CHODL: variants seen among roughly 807,000 people sequenced by gnomAD.
The protein encoded by CHODL is chondrolectin, also known as transmembrane protein MT75.
CHODL carries 29 observed loss-of-function variants against 34.5 expected under a neutral mutation model. The observed-to-expected ratio is 0.84, with a 90% confidence interval of 0.63 to 1.15. The LOEUF (loss-of-function observed/expected upper bound fraction) is 1.15. Among genes scored for constraint, CHODL ranks in the 50% most tolerant of loss-of-function variants. The probability of loss-of-function intolerance (pLI) is 0.00; values close to 1 mark genes in which losing one functional copy is unlikely to be tolerated. For synonymous variants in CHODL, 125 were observed against 116.1 expected (o/e 1.08, Z -0.49); for missense variants, 332 against 332.5 (o/e 1.00, Z 0.01).
At chr21:18,198,521 G>A (rs1205498653) in intron 2 of CHODL, among the ~76,000 whole-genome samples, 1 of 151,856 alleles carries the variant, frequency 6.6e-6, no homozygotes, top group East Asian at 1.9e-4. Flanking sequence ...CATATGATTC[G>A]ACATTGTTAT....
At chr21:18,107,943 A>C (rs1366501852) in intron 2 of CHODL, among the ~76,000 whole-genome samples, 2 of 152,228 alleles carry the variant, frequency 1.3e-5, no homozygotes, top group Non-Finnish European at 2.9e-5. Flanking sequence ...TGACCTTTGC[A>C]TAGAAAGATA....
chr21:18,001,695 A>G (rs1264756624), intron 1 of CHODL, among the ~76,000 whole-genome samples: 2 of 151,466 alleles, frequency 1.3e-5, no homozygotes, highest in African/African-American at 4.9e-5. Context: ...ACATTGTTAC[A>G]TGTTGCTTCT....
intron 4 of CHODL, among the ~76,000 whole-genome samples, chr21:18,262,132 G>A (rs2074389737): frequency 6.6e-6 from 1 of 152,116 alleles, no homozygotes; most frequent in South Asian, 2.1e-4. Flanking sequence ...CTGAATTGTA[G>A]ATTTAATAAT....
At chr21:18,154,711 C>T (rs1200258333) in intron 2 of CHODL, among the ~76,000 whole-genome samples, 1 of 152,116 alleles carries the variant, frequency 6.6e-6, no homozygotes, top group African/African-American at 2.4e-5. Context: ...GGGGAAGCAG[C>T]ATCTTTAGAA....
chr21:18,188,849 G>A (rs909958671), intron 2 of CHODL, among the ~76,000 whole-genome samples: 6 of 152,196 alleles, frequency 3.9e-5, no homozygotes, highest in Admixed American at 1.3e-4. Flanking sequence ...AACGATGTGC[G>A]TGTTCAGAGA....
chr21:18,246,025 C>G, intron 1 of CHODL: 3 of 1,186,508 alleles, frequency 2.5e-6, no homozygotes, highest in South Asian at 1.3e-5. Flanking sequence ...TCAAAATTGG[C>G]AAGCTTCCCA....
intron 1 of CHODL, among the ~76,000 whole-genome samples, chr21:17,928,374 A>C (rs1242873488): frequency 6.6e-6 from 1 of 152,176 alleles, no homozygotes; most frequent in Non-Finnish European, 1.5e-5. Flanking sequence ...GGTTCTGAAA[A>C]GGGAAAGTCA....
At chr21:18,199,679 C>G (rs1302585189) in intron 2 of CHODL, among the ~76,000 whole-genome samples, 1 of 152,092 alleles carries the variant, frequency 6.6e-6, no homozygotes, top group Non-Finnish European at 1.5e-5. Context: ...ATGGTTTTGT[C>G]TATTACATAA....
intron 2 of CHODL, among the ~76,000 whole-genome samples, chr21:18,069,194 G>C (rs1177854433): frequency 6.6e-6 from 1 of 151,986 alleles, no homozygotes; most frequent in Non-Finnish European, 1.5e-5. Context: ...ATAATAAAAG[G>C]TTTCTAAGAC....
At chr21:18,114,884 G>C (rs139746553) in intron 2 of CHODL, 14 of 152,420 alleles carry the variant, frequency 9.2e-5, no homozygotes, top group African/African-American at 3.1e-4. Context: ...GCAATAGCCA[G>C]ACAATTGCAG....
chr21:18,226,055 A>G lies in CHODL; in HGVS notation c.-44-30454A>G, dbSNP rs35751155. Among the ~76,000 whole-genome samples, 526 of 152,178 alleles carry G rather than the reference A, an allele frequency of 3.5e-3. 3 individuals are homozygous for G. Among genetic ancestry groups the G allele is most frequent in the Admixed American group, 7.3e-3 (111 of 15,266 alleles). On this transcript the variant is annotated intron_variant, in intron 2 of 6. Coordinates refer to the CHODL transcript ENST00000400127. Reference sequence around the variant, plus strand: ...GTTGGGGAGAAAAATTGAGGGGAGGAAGGAGGAATCTAAAAAAGATGTCAG... The same window carrying G: ...GTTGGGGAGAAAAATTGAGGGGAGGGAGGAGGAATCTAAAAAAGATGTCAG...
intron 2 of CHODL, chr21:18,099,955 C>G (rs1036788466): frequency 1.3e-5 from 2 of 151,924 alleles, no homozygotes; most frequent in Non-Finnish European, 2.9e-5. Flanking sequence ...ATGGAGGGGT[C>G]CAGATGTTAT....
At chr21:18,206,225 AG>A (rs2073710195) in intron 2 of CHODL, among the ~76,000 whole-genome samples, 1 of 152,184 alleles carries the variant, frequency 6.6e-6, no homozygotes, top group African/African-American at 2.4e-5. Flanking sequence ...CAATGCTAAA[AG>A]TAGGGTGTTG....
chr21:18,038,419 AT>A (rs141799749), intron 2 of CHODL, among the ~76,000 whole-genome samples: 1 of 151,700 alleles, frequency 6.6e-6, no homozygotes, highest in Non-Finnish European at 1.5e-5. Flanking sequence ...ATTATGAATG[AT>A]TTTTTACACA....
chr21:18,044,550 T>A (rs1001290072), intron 2 of CHODL, among the ~76,000 whole-genome samples: 3 of 151,986 alleles, frequency 2.0e-5, no homozygotes, highest in Admixed American at 6.6e-5. Context: ...CTCATTGTGG[T>A]CCATAAGAGA....
intron 2 of CHODL, among the ~76,000 whole-genome samples, chr21:18,157,453 CTG>C (rs1330911694): frequency 6.6e-6 from 1 of 152,172 alleles, no homozygotes; most frequent in African/African-American, 2.4e-5. Context: ...TGCAATGACA[CTG>C]TTGTTATTTA....
chr21:18,117,072 A>G (rs205669), intron 2 of CHODL, among the ~76,000 whole-genome samples: 1,705 of 152,312 alleles, frequency 0.011, 34 homozygotes, highest in African/African-American at 0.038. Flanking sequence ...ATCAGGTTAT[A>G]GCGGTGTTCC....
intron 1 of CHODL, among the ~76,000 whole-genome samples, chr21:17,933,074 T>C (rs901096019): frequency 3.9e-5 from 6 of 152,104 alleles, no homozygotes; most frequent in African/African-American, 1.4e-4. Flanking sequence ...TAAAGAGCAG[T>C]ATTGCTGCCC....
intron 1 of CHODL, among the ~76,000 whole-genome samples, 153 bp downstream of exon 1, chr21:18,245,455 G>A (rs1350561687): frequency 6.6e-6 from 1 of 152,016 alleles, no homozygotes; most frequent in Non-Finnish European, 1.5e-5. Flanking sequence ...TGATTGTGCT[G>A]TTCTCCTCCC....
Sources: allele counts gnomAD v4.1 joint callset (sites outside exome capture counted in the v4.1 genomes callset), GRCh38; gene constraint gnomAD v4.1.1; transcripts MANE v1.5; gene names NCBI Gene and HGNC (gene_info 2026-07-23, HGNC 2026-07-21).